AGBL4: variants seen among roughly 807,000 people sequenced by gnomAD.
The protein encoded by AGBL4 is cytosolic carboxypeptidase 6.
AGBL4 carries 58 observed loss-of-function variants against 66.4 expected under a neutral mutation model. The observed-to-expected ratio is 0.87, with a 90% CI of 0.71 to 1.09. The LOEUF (loss-of-function observed/expected upper bound fraction) is 1.09. AGBL4 is among the 50% of genes least tolerant of loss of function. AGBL4 has a pLI of 0.00. For missense variants in AGBL4, 579 were observed against 631.0 expected, an observed-to-expected ratio of 0.92 and a Z score of 0.88; for synonymous variants, 234 against 222.9, an observed-to-expected ratio of 1.05 and a Z score of -0.44.
At chr1:49,387,351 G>A (rs769114966) in intron 3 of AGBL4, among the ~76,000 whole-genome samples, 1 of 151,800 alleles carries the variant, frequency 6.6e-6, no homozygotes, top group African/African-American at 2.4e-5. Flanking sequence ...TCTAAAAGAA[G>A]CTCTTGATAA....
intron 6 of AGBL4, among the ~76,000 whole-genome samples, chr1:48,777,450 C>T (rs1410296083): frequency 6.6e-6 from 1 of 152,032 alleles, no homozygotes; most frequent in Admixed American, 6.5e-5. Context: ...CCTCCCCGCG[C>T]CTTTCCCAGC....
intron 3 of AGBL4, among the ~76,000 whole-genome samples, chr1:49,311,699 C>A (rs991317806): frequency 1.3e-5 from 2 of 151,878 alleles, no homozygotes; most frequent in African/African-American, 2.4e-5. Flanking sequence ...TTTAACACAA[C>A]TTCAATAAAA....
At chr1:49,765,275 C>T (rs1652651802) in intron 2 of AGBL4, among the ~76,000 whole-genome samples, 1 of 151,944 alleles carries the variant, frequency 6.6e-6, no homozygotes, top group Non-Finnish European at 1.5e-5. Context: ...CCCACAAGTG[C>T]CATCTACTGG....
intron 4 of AGBL4, among the ~76,000 whole-genome samples, chr1:49,047,221 T>C (rs1391002870): frequency 6.6e-6 from 1 of 152,156 alleles, no homozygotes; most frequent in Non-Finnish European, 1.5e-5. Context: ...AATTAAATAT[T>C]CTGGTATTTG....
chr1:49,568,554 T>C (rs1173893904), intron 3 of AGBL4, among the ~76,000 whole-genome samples: 1 of 146,262 alleles, frequency 6.8e-6, no homozygotes, highest in Non-Finnish European at 1.5e-5. Context: ...GAAGAATCAA[T>C]ATTGTTAAAA....
chr1:49,802,808 G>C (rs918934742), intron 2 of AGBL4, among the ~76,000 whole-genome samples: 1 of 152,120 alleles, frequency 6.6e-6, no homozygotes, highest in African/African-American at 2.4e-5. Flanking sequence ...ATCCGCCTGG[G>C]AACAAAGAGA....
chr1:48,638,333 A>T (rs1306652870), intron 8 of AGBL4, among the ~76,000 whole-genome samples: 1 of 152,164 alleles, frequency 6.6e-6, no homozygotes, highest in Non-Finnish European at 1.5e-5. Context: ...TGTGTTCCTC[A>T]CCAGCTGTGT....
intron 2 of AGBL4, among the ~76,000 whole-genome samples, chr1:49,787,199 T>C (rs1031320917): frequency 1.3e-5 from 2 of 152,070 alleles, no homozygotes; most frequent in Non-Finnish European, 2.9e-5. Context: ...CAACTCAATC[T>C]AGACGCACCC....
rs112963434 is a variant in AGBL4 at position 49,024,457 on chromosome 1, T to C, written c.594+21127A>G. On this transcript the variant is annotated intron_variant, in intron 5 of 13. Transcript: ENST00000371839. ...GCCAGGTTTTCATGTTCCTTTCTCATTCCTCATCAGTCATCTACTCCTTAA... is the reference window on the plus strand; with the variant it reads ...GCCAGGTTTTCATGTTCCTTTCTCACTCCTCATCAGTCATCTACTCCTTAA... Among the ~76,000 whole-genome samples the C allele has an allele frequency of 3.8e-4, 58 of 152,252 alleles. 1 individual carries two copies. The highest frequency in any genetic ancestry group is 1.3e-3 in the African/African-American group (54 of 41,576).
At chr1:49,247,286 G>A (rs890676752) in intron 3 of AGBL4, among the ~76,000 whole-genome samples, 2 of 152,058 alleles carry the variant, frequency 1.3e-5, no homozygotes, top group African/African-American at 2.4e-5. Flanking sequence ...CTGGCCTCAT[G>A]TTTAGGACTA....
chr1:48,669,304 T>C (rs916843322), intron 6 of AGBL4, among the ~76,000 whole-genome samples: 2 of 152,198 alleles, frequency 1.3e-5, no homozygotes, highest in African/African-American at 4.8e-5. Flanking sequence ...CAGGTGCCAT[T>C]TACTGAGTGA....
chr1:48,561,121 A>G (rs1423359065), intron 11 of AGBL4, among the ~76,000 whole-genome samples: 1 of 152,260 alleles, frequency 6.6e-6, no homozygotes, highest in East Asian at 1.9e-4. Flanking sequence ...TGATCCTTCA[A>G]CAAAGTGAAA....
chr1:49,452,213 C>G (rs1646292731), intron 3 of AGBL4, among the ~76,000 whole-genome samples: 1 of 151,904 alleles, frequency 6.6e-6, no homozygotes, highest in Admixed American at 6.6e-5. Context: ...AAGGCAGAGT[C>G]CATTTCCTCC....
chr1:49,246,904 T>A lies in AGBL4; in HGVS notation c.283-1040A>T, dbSNP rs571169909. On this transcript the variant is annotated intron_variant, in intron 3 of 13. Coordinates refer to ENST00000371839, the MANE Select transcript of AGBL4 (RefSeq NM_032785.4). The stretch of plus-strand genomic sequence containing the variant: ...CATGTATTATTTTATTCAACAAGTA[T>A]TTACTGCGTGAGGTATTATATAGTA... 2.6e-5 allele frequency among the ~76,000 whole-genome samples: 4 copies of A among 152,180 alleles called. No individual in the cohort carries two copies. The South Asian group carries it at 8.3e-4, about 31-fold the overall frequency.
At chr1:49,706,951 G>T (rs1177096056) in intron 2 of AGBL4, among the ~76,000 whole-genome samples, 1 of 152,154 alleles carries the variant, frequency 6.6e-6, no homozygotes, top group African/African-American at 2.4e-5. Flanking sequence ...GCTGAGGAGT[G>T]TTTTACTTCC....
intron 3 of AGBL4, among the ~76,000 whole-genome samples, chr1:49,570,262 T>C (rs1571070481): frequency 6.6e-6 from 1 of 152,176 alleles, no homozygotes. Flanking sequence ...TTTTTAATAA[T>C]AGCCATTCTC....
In AGBL4 at chr1:49,911,860, G is replaced by C. The variant is rs375094230; in HGVS notation, c.35-60342C>G. Among the ~76,000 whole-genome samples the C allele has an allele frequency of 3.3e-4, 50 of 152,264 alleles. 1 individual carries two copies. The South Asian group carries it at 9.5e-3, about 29-fold the overall frequency. On this transcript the variant is annotated intron_variant, in intron 1 of 13. Transcript: ENST00000371839. Reference sequence around the variant, plus strand: ...TCACCTACCCCCTTACATTGGTCTTGGCAGTGAATCTTAAAGTTGCCTGTG... The same window carrying C: ...TCACCTACCCCCTTACATTGGTCTTCGCAGTGAATCTTAAAGTTGCCTGTG...
chr1:49,785,960 G>C (rs961595580), intron 2 of AGBL4, among the ~76,000 whole-genome samples: 28 of 150,772 alleles, frequency 1.9e-4, no homozygotes, highest in Non-Finnish European at 3.7e-4. Context: ...AAAGGTATCA[G>C]GAAGAAAAAA....
intron 5 of AGBL4, among the ~76,000 whole-genome samples, chr1:49,006,366 G>A (rs563317887): frequency 0.012 from 1,875 of 152,260 alleles, 11 homozygotes; most frequent in Non-Finnish European, 0.017. Flanking sequence ...CACCTGGCTC[G>A]GAGGGTCCTA....
Sources: allele counts gnomAD v4.1 joint callset (sites outside exome capture counted in the v4.1 genomes callset), GRCh38; gene constraint gnomAD v4.1.1; transcripts MANE v1.5; gene names NCBI Gene and HGNC (gene_info 2026-07-23, HGNC 2026-07-21).